Variants in NCKAP5 observed in about 807,000 individuals in gnomAD.
NCKAP5 encodes the protein NCK associated protein 5.
A neutral mutation model predicts 167.0 loss-of-function variants in NCKAP5; 92 were observed. The ratio of observed to expected loss-of-function variants is 0.55; its 90% CI spans 0.47 to 0.66. The LOEUF is 0.66. NCKAP5 is among the 30% of genes least tolerant of loss of function. The probability of loss-of-function intolerance (pLI) is 0.00; values close to 1 mark genes in which losing one functional copy is unlikely to be tolerated. For missense variants in NCKAP5, 2,378 were observed against 2,315.0 expected (o/e 1.03, Z -0.56); for synonymous variants, 891 against 877.4 (o/e 1.02, Z -0.27).
At chr2:132,855,267 A>G (rs938392503) in intron 11 of NCKAP5, among the ~76,000 whole-genome samples, 4 of 152,158 alleles carry the variant, frequency 2.6e-5, no homozygotes, top group African/African-American at 9.7e-5. Context: ...CACATTCTCC[A>G]TATGTTTTCA....
At chr2:132,723,109 G>A (rs1690093464) in intron 19 of NCKAP5, among the ~76,000 whole-genome samples, 1 of 150,868 alleles carries the variant, frequency 6.6e-6, no homozygotes, top group African/African-American at 2.4e-5. Context: ...TTACAGGCAT[G>A]AGCCACCATG....
chr2:132,774,947 G>A (rs1682420961), intron 15 of NCKAP5, among the ~76,000 whole-genome samples: 1 of 152,154 alleles, frequency 6.6e-6, no homozygotes, highest in African/African-American at 2.4e-5. Context: ...TGTTTACTGG[G>A]GGGACCTTTG....
intron 5 of NCKAP5, among the ~76,000 whole-genome samples, chr2:133,209,138 G>T (rs2086095176): frequency 6.6e-6 from 1 of 151,918 alleles, no homozygotes; most frequent in Non-Finnish European, 1.5e-5. Flanking sequence ...CTTGGGGTAG[G>T]ATGGACCATT....
intron 5 of NCKAP5, among the ~76,000 whole-genome samples, chr2:133,150,185 A>G (rs923553113): frequency 3.6e-4 from 55 of 152,208 alleles, no homozygotes; most frequent in African/African-American, 1.2e-3. Flanking sequence ...ACAATTCATA[A>G]TTTTTAAATT....
At chr2:133,150,276 A>G (rs2083340977) in intron 5 of NCKAP5, among the ~76,000 whole-genome samples, 1 of 152,168 alleles carries the variant, frequency 6.6e-6, no homozygotes, top group Non-Finnish European at 1.5e-5. Flanking sequence ...GTGTATCCAT[A>G]CTATAGCGGA....
rs997313535 is a variant in NCKAP5, at chr2:133,372,214, G to A, written c.70-69104C>T. ...GAGGTCAACTGTTATGGGCAAAGAC[G>A]GTGGTGATGGAAAACTATGTGGCTG... is the stretch of plus-strand genomic sequence containing the variant. On this transcript the variant is annotated intron_variant, in intron 3 of 19. Coordinates refer to ENST00000409261, the MANE Select transcript of NCKAP5 (RefSeq NM_207363.3). Among the ~76,000 whole-genome samples the A allele has an allele frequency of 3.9e-5, 6 of 152,168 alleles. No individual in the cohort carries two copies. The East Asian group carries it at 5.8e-4, about 15-fold the overall frequency.
intron 5 of NCKAP5, among the ~76,000 whole-genome samples, chr2:133,170,561 T>C (rs2084203887): frequency 6.6e-6 from 1 of 152,226 alleles, no homozygotes; most frequent in Non-Finnish European, 1.5e-5. Context: ...GTGCCTTTCT[T>C]TATTCCACAC....
In NCKAP5 at chr2:133,369,565, G is replaced by A. The variant is rs1468378666; in HGVS notation, c.70-66455C>T. Among the ~76,000 whole-genome samples the A allele has an allele frequency of 2.6e-5, 4 of 152,192 alleles. No homozygotes were observed. The East Asian group carries it at 7.7e-4, about 29-fold the overall frequency. On this transcript the variant is annotated intron_variant, in intron 3 of 19. Coordinates refer to ENST00000409261, the MANE Select transcript of NCKAP5 (RefSeq NM_207363.3). ...GGTTCAAACTTTCAATTTGCAATGT[G>A]GCTTGATTCTGTTCTGATGCATCAG...
chr2:133,082,733 T>A (rs1272189074), intron 6 of NCKAP5, among the ~76,000 whole-genome samples: 2 of 152,112 alleles, frequency 1.3e-5, no homozygotes, highest in African/African-American at 4.8e-5. Context: ...GTTTTGGAAG[T>A]TGAAATGTTT....
At chr2:133,556,886 T>C (rs1269198790) in intron 2 of NCKAP5, 1 of 152,220 alleles carries the variant, frequency 6.6e-6, no homozygotes, top group East Asian at 1.9e-4. Context: ...ATCTTCATTA[T>C]TCATAAATTC....
intron 2 of NCKAP5, among the ~76,000 whole-genome samples, chr2:133,527,698 T>C (rs571513946): frequency 5.3e-5 from 8 of 152,316 alleles, no homozygotes; most frequent in South Asian, 2.1e-4. Context: ...TTTATCTTTT[T>C]CTACTCAATG....
intron 8 of NCKAP5, among the ~76,000 whole-genome samples, chr2:132,933,488 G>A (rs1465261881): frequency 6.6e-6 from 1 of 152,134 alleles, no homozygotes; most frequent in East Asian, 1.9e-4. Flanking sequence ...GAATCCAAGG[G>A]AAATTTTTCC....
At chr2:133,651,181 A>G in the NCKAP5 span, among the ~76,000 whole-genome samples, 5 of 152,232 alleles carry the variant, frequency 3.3e-5, no homozygotes, top group African/African-American at 7.2e-5. Context: ...GGACTTCTGC[A>G]TAACAAAACA....
intron 16 of NCKAP5, among the ~76,000 whole-genome samples, chr2:132,740,708 CA>C (rs1292136038): frequency 6.6e-6 from 1 of 152,030 alleles, no homozygotes; most frequent in Non-Finnish European, 1.5e-5. Flanking sequence ...ATTTGAAAAC[CA>C]AGCAGGATAA....
At chr2:133,560,096 G>T (rs1230671513) in intron 1 of NCKAP5, among the ~76,000 whole-genome samples, 1 of 152,200 alleles carries the variant, frequency 6.6e-6, no homozygotes, top group Admixed American at 6.5e-5. Flanking sequence ...CTTATTGAAA[G>T]TTAGGTATAA....
chr2:132,814,740 C>T (rs578206951), intron 11 of NCKAP5, among the ~76,000 whole-genome samples: 126 of 152,288 alleles, frequency 8.3e-4, no homozygotes, highest in African/African-American at 2.9e-3. Context: ...ACTGTAACAT[C>T]TCAGAGAAAA....
At chr2:132,710,903 T>C (rs772310663) in intron 19 of NCKAP5, among the ~76,000 whole-genome samples, 1 of 152,218 alleles carries the variant, frequency 6.6e-6, no homozygotes, top group Non-Finnish European at 1.5e-5. Context: ...ATCCGTCTTT[T>C]TAACATTTGA....
intron 6 of NCKAP5, among the ~76,000 whole-genome samples, chr2:133,046,887 CGTTGGA>C (rs1559084361): frequency 6.6e-6 from 1 of 152,182 alleles, no homozygotes; most frequent in Admixed American, 6.5e-5. Flanking sequence ...TTGCAATTTT[CGTTGGA>C]GTTAGTGTAT....
At chr2:133,279,596 T>C (rs2089865531) in intron 4 of NCKAP5, among the ~76,000 whole-genome samples, 1 of 152,256 alleles carries the variant, frequency 6.6e-6, no homozygotes, top group African/African-American at 2.4e-5. Flanking sequence ...GTAAGGAAAT[T>C]AGATTTATTT....
Sources: gnomAD v4.1 joint callset for allele counts (sites outside exome capture counted in the v4.1 genomes callset) on GRCh38, gnomAD v4.1.1 for gene constraint, MANE v1.5 for transcripts, NCBI Gene and HGNC (gene_info 2026-07-23, HGNC 2026-07-21) for gene names.